Variants in LINGO1 observed in about 807,000 individuals in gnomAD.
LINGO1 encodes the protein leucine-rich repeat and immunoglobulin-like domain-containing nogo receptor-interacting protein 1.
A neutral mutation model predicts 37.3 loss-of-function variants in LINGO1; 11 were observed. That is an observed-to-expected ratio of 0.29 (90% CI 0.19 to 0.49). LINGO1 has a LOEUF of 0.49. Among genes scored for constraint, LINGO1 ranks in the 20% least tolerant of loss-of-function variants. LINGO1 has a pLI of 0.99. For synonymous variants in LINGO1, 387 were observed against 403.0 expected (o/e 0.96, Z 0.48); for missense variants, 585 against 878.2 (o/e 0.67, Z 4.22).
At chr15:77,745,782 A>T (rs12905542) in intron 1 of LINGO1, among the ~76,000 whole-genome samples, 1 of 152,060 alleles carries the variant, frequency 6.6e-6, no homozygotes, top group African/African-American at 2.4e-5. Flanking sequence ...TGGCTTATCC[A>T]GGGTCGGGCA....
chr15:77,816,355 G>C (rs2077047809), intron 1 of LINGO1, among the ~76,000 whole-genome samples: 2 of 152,190 alleles, frequency 1.3e-5, no homozygotes, highest in African/African-American at 4.8e-5. Context: ...GGGAACAGGG[G>C]TCTGGGCCCC....
chr15:77,712,484 G>C (rs931310003), intron 2 of LINGO1, among the ~76,000 whole-genome samples: 1 of 152,110 alleles, frequency 6.6e-6, no homozygotes, highest in Non-Finnish European at 1.5e-5. Context: ...TTATAGCTGG[G>C]AGGCCAAATA....
chr15:77,733,828 C>T (rs945396483), intron 2 of LINGO1, among the ~76,000 whole-genome samples: 2 of 152,112 alleles, frequency 1.3e-5, no homozygotes, highest in African/African-American at 4.8e-5. Flanking sequence ...TGCACTGGCC[C>T]TTGCAGGGGT....
At chr15:77,802,527 C>T (rs914861528) in intron 1 of LINGO1, among the ~76,000 whole-genome samples, 5 of 152,074 alleles carry the variant, frequency 3.3e-5, no homozygotes, top group African/African-American at 1.2e-4. Flanking sequence ...TCTGGAAATG[C>T]CCCTCCCACT....
intron 1 of LINGO1, among the ~76,000 whole-genome samples, chr15:77,736,129 G>A (rs1448871314): frequency 6.6e-6 from 1 of 152,184 alleles, no homozygotes; most frequent in African/African-American, 2.4e-5. Context: ...CAGAGGTACT[G>A]ACTGCCATCC....
At chr15:77,808,098 C>A (rs961040255) in intron 1 of LINGO1, among the ~76,000 whole-genome samples, 1 of 152,090 alleles carries the variant, frequency 6.6e-6, no homozygotes, top group African/African-American at 2.4e-5. Context: ...GCTCGCTCAC[C>A]CCTTCCCCAC....
chr15:77,680,740 T>C (rs547541108), intron 2 of LINGO1, among the ~76,000 whole-genome samples: 6 of 152,166 alleles, frequency 3.9e-5, no homozygotes, highest in African/African-American at 1.4e-4. Flanking sequence ...TTGACTTGGG[T>C]CCAAGACCAG....
chr15:77,652,047 C>G (rs558301220), intron 3 of LINGO1: 1 of 152,332 alleles, frequency 6.6e-6, no homozygotes, highest in Admixed American at 6.5e-5. Flanking sequence ...TCCATCCACT[C>G]TCTGAGCAGA....
At chr15:77,776,526 A>AAGGGAGGGAGGGAGTAAGGG (rs2076652718) in intron 1 of LINGO1, among the ~76,000 whole-genome samples, 2 of 35,754 alleles carry the variant, frequency 5.6e-5, no homozygotes, top group African/African-American at 2.0e-4. Context: ...GGAAGGGAGG[A>AAGGGAGGGAGGGAGTAAGGG]AGGGAGGGAG....
intron 2 of LINGO1, among the ~76,000 whole-genome samples, chr15:77,724,384 G>A (rs187989175): frequency 4.1e-4 from 62 of 152,286 alleles, no homozygotes; most frequent in Middle Eastern, 6.8e-3. Flanking sequence ...TCTCAGCCTC[G>A]GTTTGCTGAT....
intron 1 of LINGO1, among the ~76,000 whole-genome samples, chr15:77,621,277 A>G (rs1465024627): frequency 6.6e-6 from 1 of 151,168 alleles, no homozygotes; most frequent in East Asian, 1.9e-4. Flanking sequence ...CTGGTCTTGA[A>G]CTCCTGAACT....
chr15:77,710,605 G>A (rs916933097), intron 2 of LINGO1, among the ~76,000 whole-genome samples: 29 of 152,202 alleles, frequency 1.9e-4, no homozygotes, highest in Admixed American at 1.9e-3. Flanking sequence ...ATTTCTGCTG[G>A]GCGTCTCTGC....
At chr15:77,785,125 G>A (rs1401396370) in intron 1 of LINGO1, 1 of 152,210 alleles carries the variant, frequency 6.6e-6, no homozygotes, top group Non-Finnish European at 1.5e-5. Context: ...GCCCTCTCCA[G>A]GCTGTCATGC....
chr15:77,680,555 G>C (rs1466212031), intron 2 of LINGO1, among the ~76,000 whole-genome samples: 2 of 152,126 alleles, frequency 1.3e-5, no homozygotes, highest in Non-Finnish European at 2.9e-5. Context: ...GAGGAAAAGG[G>C]GGAGCTTCCA....
chr15:77,614,024 C>A lies in LINGO1; in HGVS notation c.*20G>T. 3 of 1,546,434 alleles carry A rather than the reference C, an allele frequency of 1.9e-6. No homozygotes were observed. The South Asian group carries it at 3.6e-5, about 18-fold the overall frequency. ...TTCCCCTGCCCGGCCGCCCGGGGGTCCCTGCCCCCCGCCCCGGCCTCATAT... is the reference window on the plus strand; with the variant it reads ...TTCCCCTGCCCGGCCGCCCGGGGGTACCTGCCCCCCGCCCCGGCCTCATAT... On this transcript the variant is annotated 3_prime_UTR_variant, in exon 2 of 2. Transcript: ENST00000355300.
chr15:77,737,344 C>T (rs903726320), intron 1 of LINGO1, among the ~76,000 whole-genome samples: 2 of 152,102 alleles, frequency 1.3e-5, no homozygotes, highest in African/African-American at 4.8e-5. Flanking sequence ...AGAGGTTATG[C>T]TGCTTGCCCA....
chr15:77,687,114 T>C (rs1159413895), intron 2 of LINGO1, among the ~76,000 whole-genome samples: 2 of 151,940 alleles, frequency 1.3e-5, no homozygotes, highest in East Asian at 3.9e-4. Flanking sequence ...AGGATCAAGG[T>C]TAAGTCTGTT....
At chr15:77,819,716 T>C (rs55953854) in intron 1 of LINGO1, among the ~76,000 whole-genome samples, 130,067 of 150,704 alleles carry the variant, frequency 0.86, 56,376 homozygotes, top group Admixed American at 0.91. Flanking sequence ...CCGCCGGCCT[T>C]AGGTGCCCCG....
intron 3 of LINGO1, chr15:77,649,242 G>A (rs1345445311): frequency 6.6e-6 from 1 of 152,206 alleles, no homozygotes; most frequent in African/African-American, 2.4e-5. Flanking sequence ...CTAGGTAAAT[G>A]TGTGGTCTGT....
Sources: gnomAD v4.1 joint callset for allele counts (sites outside exome capture counted in the v4.1 genomes callset) on GRCh38, gnomAD v4.1.1 for gene constraint, MANE v1.5 for transcripts, NCBI Gene and HGNC (gene_info 2026-07-23, HGNC 2026-07-21) for gene names.